ITPR1: variants seen among roughly 807,000 people sequenced by gnomAD.
ITPR1 encodes inositol 1,4,5-trisphosphate-gated calcium channel ITPR1.
Under a neutral mutation model 318.4 loss-of-function variants are expected in ITPR1, and 96 were observed. That is an observed-to-expected ratio of 0.30 (90% CI 0.26 to 0.36). ITPR1 has a LOEUF of 0.36. Ranked by LOEUF, ITPR1 falls within the 10% of genes least tolerant of loss-of-function variation. The pLI, the probability that ITPR1 is intolerant of heterozygous loss-of-function variation, is 1.00. For missense variants in ITPR1, 2,440 were observed against 3,460.2 expected, an observed-to-expected ratio of 0.71 and a Z score of 7.40; for synonymous variants, 1,312 against 1,289.9, an observed-to-expected ratio of 1.02 and a Z score of -0.37.
intron 4 of ITPR1, among the ~76,000 whole-genome samples, chr3:4,591,965 G>C (rs757747270): frequency 6.6e-6 from 1 of 152,118 alleles, no homozygotes; most frequent in African/African-American, 2.4e-5. Flanking sequence ...TTAGGTCTTA[G>C]AACTTCTTTT....
chr3:4,673,431 G>A (rs751264325), intron 21 of ITPR1, 44 bp downstream of exon 21: 84 of 1,541,070 alleles, frequency 5.5e-5, no homozygotes, highest in Non-Finnish European at 6.2e-5. Flanking sequence ...TATTCTGTGC[G>A]GCAGTAGATA....
chr3:4,721,110 AT>A (rs2042120827), intron 40 of ITPR1, among the ~76,000 whole-genome samples: 1 of 145,898 alleles, frequency 6.9e-6, no homozygotes, highest in Non-Finnish European at 1.5e-5. Flanking sequence ...GTGGAGGGAT[AT>A]ATATATATAT....
intron 52 of ITPR1, 110 bp from the exon 53 acceptor site, chr3:4,794,955 G>A (rs146307909): frequency 3.0e-5 from 36 of 1,220,130 alleles, no homozygotes; most frequent in African/African-American, 9.1e-5. Flanking sequence ...GGTAAAAACC[G>A]GGAACAAAAG....
At chr3:4,748,828 T>C (rs746016552) in intron 44 of ITPR1, among the ~76,000 whole-genome samples, 8 of 152,234 alleles carry the variant, frequency 5.3e-5, no homozygotes, top group Non-Finnish European at 7.3e-5. Context: ...TATTGTCACA[T>C]ACAGTTTTTG....
chr3:4,520,963 C>T, intron 3 of ITPR1, 61 bp from the exon 4 acceptor site: 1 of 1,254,818 alleles, frequency 8.0e-7, no homozygotes, highest in Non-Finnish European at 1.2e-6. Context: ...CTGATTTTTG[C>T]ATAGTGCTAA....
chr3:4,647,555 C>T (rs2093488091), intron 10 of ITPR1, among the ~76,000 whole-genome samples: 1 of 152,150 alleles, frequency 6.6e-6, no homozygotes, highest in South Asian at 2.1e-4. Context: ...TTTACATTCC[C>T]ACAAGTAATG....
Position 4,667,399 on chromosome 3 carries a change from G to A in ITPR1, c.1736G>A (p.Gly579Asp). ...KNQEYIAKQFGFMQKQIGYDV... is the reference protein window; with the variant it reads ...KNQEYIAKQFDFMQKQIGYDV... ...AAGGAGTATATAGCCAAGCAGTTTG[G>A]CTTCATGCAGAAGCAGATTGGCTAT... is the stretch of plus-strand genomic sequence containing the variant. The change falls in exon 18 of 62, where the codon GGC becomes GAC. Residue 579 changes from glycine (G) to aspartate (D), a missense_variant. Around this residue, in one of 23 missense-constraint regions of ITPR1, gnomAD observed 478 missense variants for 696.3 expected, o/e 0.69. Coordinates refer to ENST00000649015, the MANE Select transcript of ITPR1 (RefSeq NM_001378452.1). 1 of 1,611,056 alleles carries A rather than the reference G, an allele frequency of 6.2e-7. No individual in the cohort carries two copies. Among genetic ancestry groups the A allele is most frequent in the Non-Finnish European group, 8.5e-7 (1 of 1,178,578 alleles).
At chr3:4,679,663 G>A (rs75584286) in intron 24 of ITPR1, among the ~76,000 whole-genome samples, 3,960 of 152,258 alleles carry the variant, frequency 0.026, 80 homozygotes, top group Middle Eastern at 0.075. Context: ...CCCCCTCATA[G>A]ATTTACCCGG....
chr3:4,629,522 T>G (rs747385246), intron 5 of ITPR1, among the ~76,000 whole-genome samples: 31 of 152,190 alleles, frequency 2.0e-4, no homozygotes, highest in Non-Finnish European at 4.3e-4. Context: ...CTCTACCAGG[T>G]GGTGGCATTA....
intron 44 of ITPR1, 25 bp downstream of exon 44, chr3:4,735,379 T>C: frequency 3.1e-6 from 5 of 1,588,860 alleles, no homozygotes; most frequent in Non-Finnish European, 4.3e-6. Context: ...TGGCTACTGG[T>C]ATGGCATCCC....
At chr3:4,622,718 A>T (rs1045984730) in intron 4 of ITPR1, among the ~76,000 whole-genome samples, 25 of 152,196 alleles carry the variant, frequency 1.6e-4, no homozygotes, top group Admixed American at 6.5e-4. Context: ...CGGCCTAAAC[A>T]TTTTAATAAG....
At chr3:4,616,195 A>T (rs2092381884) in intron 4 of ITPR1, among the ~76,000 whole-genome samples, 1 of 152,184 alleles carries the variant, frequency 6.6e-6, no homozygotes, top group African/African-American at 2.4e-5. Flanking sequence ...GCAATTTTAG[A>T]TTATTCTTCT....
chr3:4,585,580 G>T (rs965973108), intron 4 of ITPR1, among the ~76,000 whole-genome samples: 1 of 152,064 alleles, frequency 6.6e-6, no homozygotes. Context: ...AGGATTACAG[G>T]TGTGCACCAC....
intron 40 of ITPR1, 124 bp from the exon 41 acceptor site, chr3:4,725,422 C>T: frequency 1.3e-6 from 1 of 758,808 alleles, no homozygotes; most frequent in Non-Finnish European, 2.3e-6. Context: ...GGTGATCCAG[C>T]AGGGTTGCCT....
intron 35 of ITPR1, 24 bp downstream of exon 35, chr3:4,699,965 A>G (rs780651701): frequency 6.0e-5 from 96 of 1,608,378 alleles, no homozygotes; most frequent in Non-Finnish European, 7.8e-5. Context: ...AACGTCAAGC[A>G]GAATGTTCAC....
rs57756103 is a variant in ITPR1 at position 4,566,604 on chromosome 3, GCACACA to G, written c.163+45544_163+45549del. The stretch of plus-strand genomic sequence containing the variant: ...CCAGGAAGCCTGAATGGGGACACAT[GCACACA>G]CACACACACACACACACACACACAC... On this transcript the variant is annotated intron_variant, in intron 4 of 61. Coordinates refer to ENST00000649015, the MANE Select transcript of ITPR1 (RefSeq NM_001378452.1). Among the ~76,000 whole-genome samples the G allele has an allele frequency of 8.5e-3, 1,197 of 140,980 alleles. 13 individuals carry two copies. Among genetic ancestry groups the G allele is most frequent in the African/African-American group, 0.029 (1,071 of 37,098 alleles). The allele number at this position is 140,980 out of a possible 152,430, so 92.5% of individuals were successfully genotyped here.
intron 5 of ITPR1, among the ~76,000 whole-genome samples, chr3:4,631,370 G>A (rs2093010626): frequency 2.0e-5 from 3 of 152,072 alleles, no homozygotes; most frequent in Admixed American, 6.6e-5. Flanking sequence ...TGTGACCATT[G>A]TTAGTATACC....
rs1222388014 is a variant in ITPR1 at position 4,575,090 on chromosome 3, A to C, written c.164-52673A>C. Among the ~76,000 whole-genome samples the C allele has an allele frequency of 2.6e-5, 4 of 152,246 alleles. No homozygotes were observed. The East Asian group carries it at 7.7e-4, about 29-fold the overall frequency. ...TCTGTACTTTTCTTGCAAATATGTTATATTTTAGTGAAAAAGACTTTCTTA... is the reference window on the plus strand; with the variant it reads ...TCTGTACTTTTCTTGCAAATATGTTCTATTTTAGTGAAAAAGACTTTCTTA... On this transcript the variant is annotated intron_variant, in intron 4 of 61. Transcript: ENST00000649015.
intron 36 of ITPR1, among the ~76,000 whole-genome samples, chr3:4,704,225 C>T (rs1027613776): frequency 1.3e-5 from 2 of 152,176 alleles, no homozygotes; most frequent in Non-Finnish European, 2.9e-5. Context: ...CCAGCCTGAC[C>T]AACATGGAGA....
Sources: allele counts gnomAD v4.1 joint callset (sites outside exome capture counted in the v4.1 genomes callset), GRCh38; gene constraint gnomAD v4.1.1; regional missense constraint gnomAD v4.1.1; transcripts MANE v1.5; gene names NCBI Gene and HGNC (gene_info 2026-07-23, HGNC 2026-07-21).